IKZF3: variants seen among roughly 807,000 people sequenced by gnomAD.
IKZF3 encodes IKAROS family zinc finger 3, also known as zinc finger protein Aiolos.
In IKZF3, 10 loss-of-function variants were observed where a neutral mutation model predicts 49.0. The observed-to-expected ratio is 0.20, with a 90% CI of 0.13 to 0.35. The LOEUF (loss-of-function observed/expected upper bound fraction) is 0.35. IKZF3 is among the 10% of genes least tolerant of loss of function. IKZF3 has a pLI of 1.00. For missense variants in IKZF3, 498 were observed against 664.8 expected (o/e 0.75, Z 2.76); for synonymous variants, 209 against 228.2 (o/e 0.92, Z 0.76).
chr17:39,835,491 C>T (rs1027993032), intron 1 of IKZF3: 3 of 440,042 alleles, frequency 6.8e-6, no homozygotes, highest in African/African-American at 2.0e-5. Context: ...TGGAGATCTC[C>T]GTCTTTGTAC....
chr17:39,843,105 G>C (rs2062527603), intron 1 of IKZF3, among the ~76,000 whole-genome samples: 1 of 152,212 alleles, frequency 6.6e-6, no homozygotes, highest in Non-Finnish European at 1.5e-5. Context: ...AGAGGAAAGA[G>C]ACATGACAAC....
At chr17:39,816,698 C>G (rs915475592) in intron 3 of IKZF3, among the ~76,000 whole-genome samples, 3 of 152,172 alleles carry the variant, frequency 2.0e-5, no homozygotes, top group African/African-American at 7.2e-5. Flanking sequence ...TATTTATGTT[C>G]AAAGTTAATA....
chr17:39,819,310 T>G (rs1381816405), intron 3 of IKZF3, among the ~76,000 whole-genome samples: 2 of 152,182 alleles, frequency 1.3e-5, no homozygotes, highest in African/African-American at 2.4e-5. Context: ...GGATCACTAT[T>G]TCAACTACAA....
At chr17:39,826,164 C>G (rs1455740982) in intron 3 of IKZF3, among the ~76,000 whole-genome samples, 2 of 152,134 alleles carry the variant, frequency 1.3e-5, no homozygotes, top group Admixed American at 1.3e-4. Flanking sequence ...CACCTCAGTC[C>G]CCCAAGTAGC....
chr17:39,770,504 G>A (rs2060411096), intron 7 of IKZF3, among the ~76,000 whole-genome samples: 1 of 152,116 alleles, frequency 6.6e-6, no homozygotes, highest in East Asian at 1.9e-4. Context: ...ATGCAATGTG[G>A]TGAGGACATA....
chr17:39,802,189 T>C (rs2061334917), intron 3 of IKZF3, among the ~76,000 whole-genome samples: 2 of 114,178 alleles, frequency 1.8e-5, no homozygotes. Flanking sequence ...ACCACTGCAC[T>C]CCAGCCTGGG....
At chr17:39,799,165 T>C (rs2061254110) in intron 3 of IKZF3, among the ~76,000 whole-genome samples, 1 of 152,116 alleles carries the variant, frequency 6.6e-6, no homozygotes, top group South Asian at 2.1e-4. Context: ...AAAACCATGC[T>C]CTCCAGATAA....
chr17:39,795,624 C>G (rs1411755017), intron 3 of IKZF3, among the ~76,000 whole-genome samples: 1 of 151,612 alleles, frequency 6.6e-6, no homozygotes, highest in Non-Finnish European at 1.5e-5. Flanking sequence ...CCAGGCTGGT[C>G]TCGAACTCCT....
chr17:39,773,603 T>G (rs1352306124), intron 7 of IKZF3, among the ~76,000 whole-genome samples: 1 of 152,170 alleles, frequency 6.6e-6, no homozygotes, highest in Non-Finnish European at 1.5e-5. Flanking sequence ...TTTAATAAAG[T>G]AATACATAAA....
At chr17:39,800,764 G>A (rs2061297702) in intron 3 of IKZF3, among the ~76,000 whole-genome samples, 1 of 152,130 alleles carries the variant, frequency 6.6e-6, no homozygotes, top group Non-Finnish European at 1.5e-5. Flanking sequence ...TCACATGAAA[G>A]GCTTGTACTC....
chr17:39,835,751 A>G, intron 1 of IKZF3: 1 of 512,706 alleles, frequency 2.0e-6, no homozygotes, highest in Non-Finnish European at 3.8e-6. Context: ...TGATCTTGTA[A>G]GCTTGCCATC....
rs2062046545 is a variant in IKZF3 at position 39,829,410 on chromosome 17, G to A, written c.140C>T (p.Ala47Val). 2.5e-6 allele frequency: 4 copies of A among 1,613,526 alleles called. No homozygotes were observed. Among genetic ancestry groups the A allele is most frequent in the Non-Finnish European group, 3.4e-6 (4 of 1,179,498 alleles). ...MENVDSGEGP[A>V]NEDEDIGDDS... ...ACCTCCTATGTCTTCATCTTCATTG[G>A]CTGGGCCTTCTCCACTGTCCACATT... The change falls in exon 3 of 8, where the codon GCC (alanine) becomes GTC (valine). Residue 47 changes from alanine to valine, a missense_variant. Ala to Val is a moderately conservative substitution (Grantham distance 64). Around this residue, in one of 3 missense-constraint regions of IKZF3, gnomAD observed 97 missense variants for 98.9 expected, o/e 0.98. Coordinates refer to ENST00000346872, the MANE Select transcript of IKZF3 (RefSeq NM_012481.5).
chr17:39,798,485 C>A (rs904924515), intron 3 of IKZF3, among the ~76,000 whole-genome samples: 2 of 151,832 alleles, frequency 1.3e-5, no homozygotes, highest in Non-Finnish European at 2.9e-5. Context: ...GGCCACAGGT[C>A]CAAGTCCTAC....
chr17:39,832,416 A>C (rs993040465), intron 1 of IKZF3, among the ~76,000 whole-genome samples: 2 of 152,062 alleles, frequency 1.3e-5, no homozygotes, highest in African/African-American at 4.8e-5. Context: ...GGGTTCCATT[A>C]GAAATAATTT....
intron 2 of IKZF3, among the ~76,000 whole-genome samples, chr17:39,829,828 T>G (rs1006489786): frequency 7.2e-5 from 11 of 152,172 alleles, no homozygotes; most frequent in Admixed American, 2.0e-4. Context: ...GGTGCATGCC[T>G]GTAATCCCAG....
In IKZF3 at chr17:39,850,447, AAATATATAGCATATTATACATGTACATAT is replaced by A. The variant is rs1436163402; in HGVS notation, c.7+13644_7+13672del. ...TGTATGTATATATAATATATAGTAT[AAATATATAGCATATTATACATGTACATAT>A]AATATATAGCATATTATACATGTAC... is the stretch of plus-strand genomic sequence containing the variant. On this transcript the variant is annotated intron_variant, in intron 1 of 7. Transcript: ENST00000346872. Among the ~76,000 whole-genome samples, 357 of 126,446 alleles carry A rather than the reference AAATATATAGCATATTATACATGTACATAT, an allele frequency of 2.8e-3. 23 individuals are homozygous for A. In the South Asian group the frequency reaches 0.081, roughly 29 times the overall value. The allele number at this position is 126,446 out of a possible 152,430, so 83.0% of individuals were successfully genotyped here.
intron 1 of IKZF3, among the ~76,000 whole-genome samples, chr17:39,840,062 A>T (rs1303864509): frequency 6.6e-6 from 1 of 152,164 alleles, no homozygotes; most frequent in East Asian, 1.9e-4. Flanking sequence ...AAATGTCCCA[A>T]TATGCCTGGA....
At chr17:39,778,393 C>T (rs575014784) in intron 6 of IKZF3, among the ~76,000 whole-genome samples, 1 of 151,566 alleles carries the variant, frequency 6.6e-6, no homozygotes, top group East Asian at 1.9e-4. Context: ...TTCATATGCT[C>T]TTCACATTTC....
intron 1 of IKZF3, among the ~76,000 whole-genome samples, chr17:39,842,931 C>G (rs1277574019): frequency 1.3e-5 from 2 of 152,176 alleles, no homozygotes; most frequent in Non-Finnish European, 2.9e-5. Context: ...GAGTAGAACA[C>G]AGCATCACTT....
Sources: allele counts gnomAD v4.1 joint callset (sites outside exome capture counted in the v4.1 genomes callset), GRCh38; gene constraint gnomAD v4.1.1; regional missense constraint gnomAD v4.1.1; transcripts MANE v1.5; gene names NCBI Gene and HGNC (gene_info 2026-07-23, HGNC 2026-07-21).